ALDH1L2: variants seen among roughly 807,000 people sequenced by gnomAD.
The protein encoded by ALDH1L2 is aldehyde dehydrogenase 1 family member L2.
In ALDH1L2, 91 loss-of-function variants were observed where a neutral mutation model predicts 111.0. The ratio of observed to expected loss-of-function variants is 0.82; its 90% CI spans 0.69 to 0.98. The LOEUF is 0.98. Among genes scored for constraint, ALDH1L2 ranks in the 50% least tolerant of loss-of-function variants. The pLI is 0.00. For missense variants in ALDH1L2, 995 were observed against 1,126.8 expected, an observed-to-expected ratio of 0.88 and a Z score of 1.67; for synonymous variants, 374 against 392.6, an observed-to-expected ratio of 0.95 and a Z score of 0.56.
chr12:105,030,434 T>G lies in ALDH1L2; in HGVS notation c.2411-5A>C, dbSNP rs1032676233. The G allele has an allele frequency of 6.2e-7, 1 of 1,602,476 alleles. No homozygotes were observed. On this transcript the variant is annotated splice_polypyrimidine_tract_variant and splice_region_variant and intron_variant, in intron 20 of 22. Transcript: ENST00000258494. ...CGGTCGGCTCCATGAAAAAGCCTTT[T>G]TGGAAAAAACAAAGAAAAAATGTCA...
Position 105,066,592 on chromosome 12 carries a change from ACCTTCATATGTTGCC to A in ALDH1L2, c.657_671del (p.Ala220_Gly224del), listed in dbSNP as rs1437413036. On this transcript the variant is annotated inframe_deletion, in exon 5 of 23. Transcript: ENST00000258494. ...CCTCAGCATTTTCCTTTTTCTGGAT[ACCTTCATATGTTGCC>A]CCTTCTTCTGGCTGGGGTATACGAG... 1 of 1,614,018 alleles carries A rather than the reference ACCTTCATATGTTGCC, an allele frequency of 6.2e-7. No homozygotes were observed. The highest frequency in any genetic ancestry group is 1.7e-5 in the Admixed American group (1 of 60,004).
At chr12:105,042,588 A>T (rs1875606903) in intron 15 of ALDH1L2, among the ~76,000 whole-genome samples, 1 of 152,092 alleles carries the variant, frequency 6.6e-6, no homozygotes, top group South Asian at 2.1e-4. Context: ...TTTGTTGATT[A>T]TATTTCTTTT....
At position 105,038,699 on chromosome 12, in the gene ALDH1L2, T is replaced by A. The variant is rs1019694626; in HGVS notation, c.2046-497A>T. On this transcript the variant is annotated intron_variant, in intron 17 of 22. Transcript: ENST00000258494. Reference sequence around the variant, plus strand: ...AAAAAAAGAAAGAAAAAGGAAAAAGTTATTCATAGATAAAACAGATGGTAG... The same window carrying A: ...AAAAAAAGAAAGAAAAAGGAAAAAGATATTCATAGATAAAACAGATGGTAG... 7.2e-5 allele frequency among the ~76,000 whole-genome samples: 11 copies of A among 152,042 alleles called. 1 individual carries two copies. The highest frequency in any genetic ancestry group is 1.5e-4 in the Non-Finnish European group (10 of 67,994).
chr12:105,063,168 C>G (rs931155942), intron 6 of ALDH1L2, 146 bp from the exon 7 acceptor site: 6 of 990,324 alleles, frequency 6.1e-6, no homozygotes, highest in Non-Finnish European at 8.3e-6. Context: ...GAAACTGTCT[C>G]AAACATCCAT....
At chr12:105,060,778 C>T (rs1313920623) in intron 9 of ALDH1L2, 5 of 298,716 alleles carry the variant, frequency 1.7e-5, no homozygotes, top group South Asian at 4.5e-5. Flanking sequence ...GAGCCGAGAT[C>T]GCACCATTGC....
rs1874179709 is a variant in ALDH1L2 at position 105,021,831 on chromosome 12, A to G, written c.*2593T>C. 2.0e-5 allele frequency: 3 copies of G among 152,182 alleles called. No homozygotes were observed. 9.4% of individuals were successfully genotyped at this position (152,182 alleles called of 1,614,324 possible). On this transcript the variant is annotated 3_prime_UTR_variant, in exon 23 of 23. Transcript: ENST00000258494. Reference sequence around the variant, plus strand: ...TAAGAAGGCAAGTAATTTTAGTACAAGTGGTAAGTGCTATGTTTGAAACAA... The same window carrying G: ...TAAGAAGGCAAGTAATTTTAGTACAGGTGGTAAGTGCTATGTTTGAAACAA...
At chr12:105,036,916 A>G (rs1811254747) in intron 18 of ALDH1L2, among the ~76,000 whole-genome samples, 1 of 152,080 alleles carries the variant, frequency 6.6e-6, no homozygotes, top group Non-Finnish European at 1.5e-5. Flanking sequence ...TGAAACCTCC[A>G]GATGGTCCAT....
intron 3 of ALDH1L2, 33 bp from the exon 4 acceptor site, chr12:105,068,917 G>T (rs1877530313): frequency 1.4e-6 from 2 of 1,476,016 alleles, no homozygotes; most frequent in South Asian, 1.4e-5. Context: ...TTAAAATGTT[G>T]GTTAACTGTA....
Position 105,027,571 on chromosome 12 carries a change from G to A in ALDH1L2, c.2517-827C>T, listed in dbSNP as rs74769508. 4.0e-3 allele frequency among the ~76,000 whole-genome samples: 614 copies of A among 152,180 alleles called. 5 individuals carry two copies. The highest frequency in any genetic ancestry group is 0.014 in the African/African-American group (578 of 41,508). On this transcript the variant is annotated intron_variant, in intron 21 of 22. Coordinates refer to ENST00000258494, the MANE Select transcript of ALDH1L2 (RefSeq NM_001034173.4). Reference sequence around the variant, plus strand: ...TGGGTAAATGACTCCATCTCCCCTCGCCTTCATTTATTATTGCGAACCATG... The same window carrying A: ...TGGGTAAATGACTCCATCTCCCCTCACCTTCATTTATTATTGCGAACCATG...
rs140127163 is a variant in ALDH1L2, at chr12:105,034,346, C to T, written c.2198G>A (p.Arg733Gln). ...NKGENCIAAG[R>Q]LFVEESIHDE... ...GTGGATGGATTCTTCCACGAACAAC[C>T]GCCCAGCAGCAATACAGTTCTCTCC... is the stretch of plus-strand genomic sequence containing the variant. The change falls in exon 19 of 23, where the codon CGG becomes CAG. Residue 733 changes from arginine to glutamine, a missense_variant. Arg to Gln is a conservative substitution (Grantham distance 43, BLOSUM62 1). Transcript: ENST00000258494. The T allele has an allele frequency of 4.6e-5, 75 of 1,613,462 alleles. No individual in the cohort carries two copies. The African/African-American group carries it at 8.0e-4, about 17-fold the overall frequency.
intron 21 of ALDH1L2, 67 bp from the exon 22 acceptor site, chr12:105,026,811 A>T: frequency 6.4e-7 from 1 of 1,572,676 alleles, no homozygotes; most frequent in Non-Finnish European, 8.6e-7. Context: ...ATGTTCTGAA[A>T]ATTTTCCCAT....
In ALDH1L2 at chr12:105,068,761, T is replaced by C. The variant is rs1362263067; in HGVS notation, c.552A>G (p.Ala184=). The change falls in exon 4 of 23, where the codon GCA becomes GCG. Residue 184 remains alanine, a synonymous_variant. Transcript: ENST00000258494. ...CDVEPNDTVD[A]LYNRFLFPEG... ...CAGGAAAAAGAAACCGATTATAAAG[T>C]GCATCCACTGTATCATTGGGTTCAA... 1.9e-6 allele frequency: 3 copies of C among 1,592,916 alleles called. No individual in the cohort carries two copies. Among genetic ancestry groups the C allele is most frequent in the Non-Finnish European group, 2.6e-6 (3 of 1,170,090 alleles).
intron 4 of ALDH1L2, among the ~76,000 whole-genome samples, chr12:105,067,148 A>G (rs74870547): frequency 6.7e-6 from 1 of 149,472 alleles, no homozygotes; most frequent in Non-Finnish European, 1.5e-5. Context: ...CCCGGGAGGC[A>G]GAGCTTGCAG....
At chr12:105,055,967 G>A (rs1014953867) in intron 10 of ALDH1L2, among the ~76,000 whole-genome samples, 2 of 152,096 alleles carry the variant, frequency 1.3e-5, no homozygotes, top group Non-Finnish European at 2.9e-5. Flanking sequence ...AGAGGAGAAT[G>A]AGAAGGGAAA....
At chr12:105,027,821 G>A (rs1874491173) in intron 21 of ALDH1L2, among the ~76,000 whole-genome samples, 1 of 152,166 alleles carries the variant, frequency 6.6e-6, no homozygotes, top group South Asian at 2.1e-4. Flanking sequence ...CGAGGGCAGG[G>A]ATAACTTTAT....
At chr12:105,078,713 A>C (rs1878194329) in intron 1 of ALDH1L2, among the ~76,000 whole-genome samples, 1 of 152,208 alleles carries the variant, frequency 6.6e-6, no homozygotes, top group African/African-American at 2.4e-5. Context: ...GAGGGCACAC[A>C]AGCTAAGACA....
At chr12:105,046,058 A>G (rs1196263243) in intron 15 of ALDH1L2, among the ~76,000 whole-genome samples, 3 of 150,106 alleles carry the variant, frequency 2.0e-5, no homozygotes, top group African/African-American at 7.3e-5. Flanking sequence ...TACCTGAACT[A>G]TTTCTTAAAA....
In ALDH1L2 at chr12:105,047,106, T is replaced by C. The variant is rs1054571835; in HGVS notation, c.1687-137A>G. ...AGAGCGTTTGTTGATAAGAACTATA[T>C]TCATGCCAAAGAAGGAACAGCTATT... On this transcript the variant is annotated intron_variant, in intron 13 of 22. Coordinates refer to ENST00000258494, the MANE Select transcript of ALDH1L2 (RefSeq NM_001034173.4). 7.9e-6 allele frequency: 7 copies of C among 883,620 alleles called. No individual in the cohort carries two copies. In the African/African-American group the frequency reaches 1.0e-4, roughly 13 times the overall value. 54.7% of individuals were successfully genotyped at this position (883,620 alleles called of 1,614,324 possible).
Position 105,021,744 on chromosome 12 carries a change from AT to A in ALDH1L2, c.*2679del, listed in dbSNP as rs1432849652. On this transcript the variant is annotated 3_prime_UTR_variant, in exon 23 of 23. Transcript: ENST00000258494. ...AGGCCCTTAATAAATGGTAGCTGTC[AT>A]ATCGTATTATTATTGACAGAAGGCC... 1.3e-5 allele frequency: 2 copies of A among 152,212 alleles called. No homozygotes were observed. The highest frequency in any genetic ancestry group is 1.5e-5 in the Non-Finnish European group (1 of 68,034). The allele number at this position is 152,212 out of a possible 1,614,324, so 9.4% of individuals were successfully genotyped here.
Sources: gnomAD v4.1 joint callset for allele counts (sites outside exome capture counted in the v4.1 genomes callset) on GRCh38, gnomAD v4.1.1 for gene constraint, MANE v1.5 for transcripts, NCBI Gene and HGNC (gene_info 2026-07-23, HGNC 2026-07-21) for gene names.